The following NDST1 variants were observed in gnomAD, a reference collection of about 807,000 sequenced individuals.
NDST1 encodes N-deacetylase and N-sulfotransferase 1.
NDST1 carries 35 observed loss-of-function variants against 92.8 expected under a neutral mutation model. The ratio of observed to expected loss-of-function variants is 0.38; its 90% CI spans 0.29 to 0.50. The LOEUF is 0.50. Among genes scored for constraint, NDST1 ranks in the 20% least tolerant of loss-of-function variants. NDST1 has a pLI of 0.94. For missense variants in NDST1, 822 were observed against 1,182.7 expected (o/e 0.69, Z 4.47); for synonymous variants, 493 against 500.3 (o/e 0.99, Z 0.19).
At chr5:150,520,712 G>C (rs987158100) in intron 1 of NDST1, among the ~76,000 whole-genome samples, 156 bp from the exon 2 acceptor site, 16 of 152,216 alleles carry the variant, frequency 1.1e-4, no homozygotes, top group African/African-American at 3.6e-4. Flanking sequence ...GGAAACTGGG[G>C]CTCAGAGATA....
intron 1 of NDST1, among the ~76,000 whole-genome samples, chr5:150,501,430 A>G (rs1018593087): frequency 2.0e-5 from 3 of 152,218 alleles, no homozygotes; most frequent in African/African-American, 4.8e-5. Context: ...GACAGGGACA[A>G]ACGTAAAGTC....
intron 9 of NDST1, 41 bp from the exon 10 acceptor site, chr5:150,542,807 G>A (rs1192383491): frequency 2.3e-5 from 37 of 1,613,634 alleles, no homozygotes; most frequent in Non-Finnish European, 3.0e-5. Context: ...CTTTTGGCTG[G>A]GGGCTGGGCC....
upstream of NDST1, among the ~76,000 whole-genome samples, chr5:150,504,524 G>A (rs986423150): frequency 1.3e-5 from 2 of 152,102 alleles, no homozygotes; most frequent in Admixed American, 6.5e-5. Flanking sequence ...TCTGCCAGAT[G>A]CACACACTAT....
intron 7 of NDST1, 150 bp from the exon 8 acceptor site, chr5:150,539,932 C>G: frequency 1.7e-6 from 2 of 1,211,214 alleles, no homozygotes; most frequent in South Asian, 2.8e-5. Context: ...TCCAAGTACT[C>G]GCAGCGAGTT....
intron 1 of NDST1, among the ~76,000 whole-genome samples, chr5:150,515,978 C>A (rs1456073707): frequency 6.6e-6 from 1 of 151,304 alleles, no homozygotes. Flanking sequence ...ACCCCCACCC[C>A]AGGGTATTTG....
At chr5:150,536,522 T>A (rs1754996334) in intron 6 of NDST1, among the ~76,000 whole-genome samples, 1 of 151,894 alleles carries the variant, frequency 6.6e-6, no homozygotes, top group Non-Finnish European at 1.5e-5. Context: ...AAAAAAAATT[T>A]TTTTTTCCCC....
rs1377229868 is a variant in NDST1 at position 150,534,934 on chromosome 5, C to G, written c.1164C>G (p.Pro388=). 1 of 1,614,122 alleles carries G rather than the reference C, an allele frequency of 6.2e-7. No homozygotes were observed. Among genetic ancestry groups the G allele is most frequent in the Non-Finnish European group, 8.5e-7 (1 of 1,180,054 alleles). ...ATGTGAAGGAGTTCTGGTGGTTCCCCCACATGTGGAGCCACATGCAGCCCC... is the reference window on the plus strand; with the variant it reads ...ATGTGAAGGAGTTCTGGTGGTTCCCGCACATGTGGAGCCACATGCAGCCCC... ...LSYVKEFWWF[P]HMWSHMQPHL... The change falls in exon 5 of 15, where the codon CCC becomes CCG. Residue 388 remains proline (P), a synonymous_variant. Transcript: ENST00000261797.
In NDST1 at chr5:150,553,210, C is replaced by T; in HGVS notation, c.2530-3C>T. 6.2e-7 allele frequency: 1 copy of T among 1,612,538 alleles called. No individual in the cohort carries two copies. The highest frequency in any genetic ancestry group is 8.5e-7 in the Non-Finnish European group (1 of 1,178,966). ...AAGGTCTGAGCTTTCCTTCCCGTTA[C>T]AGTCCCGAGCCTTCCTGAAGGACTA... On this transcript the variant is annotated splice_region_variant and splice_polypyrimidine_tract_variant and intron_variant, in intron 14 of 14. Coordinates refer to ENST00000261797, the MANE Select transcript of NDST1 (RefSeq NM_001543.5). The surrounding 1 kb of genome is among the most constrained non-coding windows in gnomAD (Gnocchi z 4.2).
At chr5:150,498,958 C>G (rs2151231331) in intron 1 of NDST1, among the ~76,000 whole-genome samples, 1 of 152,288 alleles carries the variant, frequency 6.6e-6, no homozygotes, top group South Asian at 2.1e-4. Flanking sequence ...TGCCTATGGC[C>G]TCTGAAGTTC....
intron 8 of NDST1, 73 bp from the exon 9 acceptor site, chr5:150,541,497 A>G: frequency 1.5e-6 from 2 of 1,324,472 alleles, no homozygotes; most frequent in South Asian, 1.2e-5. Flanking sequence ...TAAGGGCCAC[A>G]TATCCATGTG....
At chr5:150,518,172 AC>A (rs1754069939) in intron 1 of NDST1, among the ~76,000 whole-genome samples, 1 of 150,942 alleles carries the variant, frequency 6.6e-6, no homozygotes, top group South Asian at 2.1e-4. Context: ...TCCTCTGTCT[AC>A]CCCTGCCCAA....
At chr5:150,510,877 A>G (rs1159793446) in intron 1 of NDST1, among the ~76,000 whole-genome samples, 3 of 152,256 alleles carry the variant, frequency 2.0e-5, no homozygotes, top group Admixed American at 1.3e-4. Context: ...AAAATGGATG[A>G]AAACAAACAC....
chr5:150,505,980 G>C (rs1038608417), upstream of NDST1, among the ~76,000 whole-genome samples: 1 of 152,086 alleles, frequency 6.6e-6, no homozygotes, highest in Non-Finnish European at 1.5e-5. Flanking sequence ...AACTGAGGCC[G>C]AGAAAGGAGT....
In NDST1 at chr5:150,545,411, A is replaced by G. The variant is rs1233453890; in HGVS notation, c.2070A>G (p.Ala690=). The change falls in exon 11 of 15, where the codon GCA becomes GCG. Residue 690 remains alanine, a synonymous_variant. Coordinates refer to ENST00000261797, the MANE Select transcript of NDST1 (RefSeq NM_001543.5). ...YFDSEVAPRR[A]AALLPKAKVL... The stretch of plus-strand genomic sequence containing the variant: ...ATTCAGAAGTGGCGCCCCGGCGGGC[A>G]GCAGCCCTCTTGCCCAAAGCCAAGG... 1.9e-6 allele frequency: 3 copies of G among 1,614,150 alleles called. No individual in the cohort carries two copies. The Admixed American group carries it at 5.0e-5, about 27-fold the overall frequency.
Position 150,557,095 on chromosome 5 carries a change from CA to C in NDST1, c.*3764del, listed in dbSNP as rs1194232116. 1 of 152,648 alleles carries C rather than the reference CA, an allele frequency of 6.6e-6. No homozygotes were observed. Among genetic ancestry groups the C allele is most frequent in the African/African-American group, 2.4e-5 (1 of 41,464 alleles). 9.5% of individuals were successfully genotyped at this position (152,648 alleles called of 1,614,324 possible). ...GATTTTGCCTTTTGTGCTGACTTGA[CA>C]GCTTCACTTCTGCCTAAGATGCGCC... On this transcript the variant is annotated 3_prime_UTR_variant, in exon 15 of 15. Coordinates refer to ENST00000261797, the MANE Select transcript of NDST1 (RefSeq NM_001543.5). This position sits in a 1 kb window ranked among gnomAD's most constrained non-coding sequence, Gnocchi z 4.7.
rs751926954 is a variant in NDST1, at chr5:150,521,219, G to A, written c.-36G>A. On this transcript the variant is annotated 5_prime_UTR_variant, in exon 2 of 15. Coordinates refer to ENST00000261797, the MANE Select transcript of NDST1 (RefSeq NM_001543.5). This position sits in a 1 kb window ranked among gnomAD's most constrained non-coding sequence, Gnocchi z 5.9. ...TGGGGCCTTGGGGTAGCCAGGGCAGGCCGGGCCTCCGGTGGCCAAGGTCTC... is the reference window on the plus strand; with the variant it reads ...TGGGGCCTTGGGGTAGCCAGGGCAGACCGGGCCTCCGGTGGCCAAGGTCTC... 6.3e-7 allele frequency: 1 copy of A among 1,589,152 alleles called. No individual in the cohort carries two copies. The highest frequency in any genetic ancestry group is 8.5e-7 in the Non-Finnish European group (1 of 1,170,860).
In NDST1 at chr5:150,521,923, C is replaced by T. The variant is rs1020330244; in HGVS notation, c.513+156C>T. Among the ~76,000 whole-genome samples the T allele has an allele frequency of 7.9e-5, 12 of 152,168 alleles. No homozygotes were observed. The highest frequency in any genetic ancestry group is 2.2e-4 in the African/African-American group (9 of 41,434). ...GTATATGTAAAGCACTGGGAGCATG[C>T]GGTGCCCACTGCCTGGCAAGTGCTT... On this transcript the variant is annotated intron_variant, in intron 2 of 14. Transcript: ENST00000261797. The surrounding 1 kb of genome is among the most constrained non-coding windows in gnomAD (Gnocchi z 5.9).
intron 13 of NDST1, among the ~76,000 whole-genome samples, chr5:150,551,477 G>C (rs1755722771): frequency 1.3e-5 from 2 of 152,234 alleles, no homozygotes; most frequent in Non-Finnish European, 2.9e-5. Flanking sequence ...AACTGTTCAT[G>C]TTGTAGATTG....
chr5:150,499,506 C>G (rs1373576508), intron 1 of NDST1, among the ~76,000 whole-genome samples: 1 of 152,204 alleles, frequency 6.6e-6, no homozygotes, highest in African/African-American at 2.4e-5. Flanking sequence ...GCTGAATCAC[C>G]TTTGTGTCCC....
Sources: gnomAD v4.1 joint callset for allele counts (sites outside exome capture counted in the v4.1 genomes callset) on GRCh38, gnomAD v4.1.1 for gene constraint, Gnocchi (gnomAD v3.1) non-coding constraint, MANE v1.5 for transcripts, NCBI Gene and HGNC (gene_info 2026-07-23, HGNC 2026-07-21) for gene names.